ZNF658: variants seen among roughly 807,000 people sequenced by gnomAD.
ZNF658 encodes the protein zinc finger protein 658.
Under a neutral mutation model 78.0 loss-of-function variants are expected in ZNF658, and 46 were observed. The observed-to-expected ratio is 0.59, with a 90% confidence interval of 0.47 to 0.75. ZNF658 has a LOEUF of 0.75. ZNF658 is among the 30% of genes least tolerant of loss of function. ZNF658 has a pLI of 0.00. For missense variants in ZNF658, 785 were observed against 1,189.3 expected (o/e 0.66, Z 5.00); for synonymous variants, 279 against 408.4 (o/e 0.68, Z 3.82).
chr9:66,905,216 C>T (rs1169710121), intron 2 of ZNF658, among the ~76,000 whole-genome samples: 1 of 151,286 alleles, frequency 6.6e-6, no homozygotes, highest in Admixed American at 6.6e-5. Flanking sequence ...GCTGGGATTC[C>T]AGACATTCAC....
Position 66,918,413 on chromosome 9 carries a change from A to T in ZNF658, c.847A>T (p.Thr283Ser). Residue 283 changes from threonine (T) to serine (S), a missense_variant, in exon 5 of 5, where the codon ACC becomes TCC. Thr to Ser is a moderately conservative substitution (Grantham distance 58, BLOSUM62 1). This residue lies in a region of ZNF658 where 393 missense variants were observed against 400.2 expected (regional missense o/e 0.98). Transcript: ENST00000621410. ...NEYGTSCDKTTAVEYNKVHMA... is the reference protein window; with the variant it reads ...NEYGTSCDKTSAVEYNKVHMA... ...ATATGGGACATCCTGTGACAAAACC[A>T]CCGCTGTTGAATACAATAAAGTTCA... is the stretch of plus-strand genomic sequence containing the variant. 1 of 1,613,328 alleles carries T rather than the reference A, an allele frequency of 6.2e-7. No individual in the cohort carries two copies. The highest frequency in any genetic ancestry group is 8.5e-7 in the Non-Finnish European group (1 of 1,179,422).
chr9:66,923,282 A>T (rs2118123564), downstream of ZNF658, among the ~76,000 whole-genome samples: 1 of 151,558 alleles, frequency 6.6e-6, no homozygotes, highest in Non-Finnish European at 1.5e-5. Context: ...ACACTCAGCC[A>T]GTCTAGTCCT....
chr9:66,922,351 C>A (rs1015314957), downstream of ZNF658, among the ~76,000 whole-genome samples: 1 of 152,030 alleles, frequency 6.6e-6, no homozygotes, highest in African/African-American at 2.4e-5. Context: ...GGGCTGCACC[C>A]ACTGTCCAAC....
chr9:66,930,492 C>A (rs1822630612), intron 6 of ZNF658, among the ~76,000 whole-genome samples: 1 of 148,906 alleles, frequency 6.7e-6, no homozygotes, highest in South Asian at 2.2e-4. Flanking sequence ...TAGGGGTGAG[C>A]AAGAAGCTCT....
chr9:66,918,089 C>T lies in ZNF658; in HGVS notation c.523C>T (p.Leu175Phe). 1.9e-6 allele frequency: 3 copies of T among 1,593,132 alleles called. No homozygotes were observed. Among genetic ancestry groups the T allele is most frequent in the Non-Finnish European group, 2.6e-6 (3 of 1,173,148 alleles). Residue 175 changes from leucine (L) to phenylalanine (F), a missense_variant, in exon 5 of 5, where the codon CTT becomes TTT. By Grantham distance (22) the Leu-to-Phe change is conservative (BLOSUM62 0). This residue lies in a region of ZNF658 where 393 missense variants were observed against 400.2 expected (regional missense o/e 0.98). Coordinates refer to ENST00000621410, the MANE Select transcript of ZNF658 (RefSeq NM_033160.7). ...EYMNVCEKLQ[L>F]DIKHEKAHAE... ...CATGAATGTGTGTGAGAAACTGCAG[C>T]TTGATATTAAGCATGAGAAAGCTCA...
At chr9:66,901,663 G>A (rs28555117) in intron 1 of ZNF658, among the ~76,000 whole-genome samples, 82,928 of 151,780 alleles carry the variant, frequency 0.55, 23,024 homozygotes, top group African/African-American at 0.66. Context: ...CAGAATTTTT[G>A]GCCAGGTGCG....
chr9:66,915,082 C>T (rs954039572), intron 4 of ZNF658, among the ~76,000 whole-genome samples: 2 of 151,372 alleles, frequency 1.3e-5, no homozygotes, highest in Admixed American at 1.3e-4. Flanking sequence ...CACACACACA[C>T]ACACACACAC....
chr9:66,926,227 C>T (rs1219746006), downstream of ZNF658, among the ~76,000 whole-genome samples: 1 of 116,986 alleles, frequency 8.5e-6, no homozygotes, highest in African/African-American at 3.1e-5. Flanking sequence ...TAATGAAAGT[C>T]CTGCCCAGAA....
intron 2 of ZNF658, among the ~76,000 whole-genome samples, chr9:66,905,250 A>AT (rs1822053672): frequency 6.7e-6 from 1 of 149,570 alleles, no homozygotes; most frequent in African/African-American, 2.5e-5. Context: ...TAATTTTAGT[A>AT]TTTTTAGTAG....
chr9:66,905,144 C>T (rs1473547217), intron 2 of ZNF658, among the ~76,000 whole-genome samples: 53 of 127,172 alleles, frequency 4.2e-4, no homozygotes, highest in Admixed American at 9.1e-4. Flanking sequence ...GGCATGATCT[C>T]GGCTCACTGT....
At chr9:66,921,859 C>G (rs1461845990), downstream of ZNF658, among the ~76,000 whole-genome samples, 1 of 150,818 alleles carries the variant, frequency 6.6e-6, no homozygotes, top group South Asian at 2.1e-4. Flanking sequence ...ACTGGGAGAA[C>G]CACTACTCTC....
At position 66,919,212 on chromosome 9, in the gene ZNF658, T is replaced by C. The variant is rs1188418189; in HGVS notation, c.1646T>C (p.Val549Ala). ...IHTGEKPYECVECEKTFSHKT... is the reference protein window; with the variant it reads ...IHTGEKPYECAECEKTFSHKT... ...ACAGGTGAAAAACCCTATGAATGTG[T>C]TGAATGTGAGAAAACTTTCTCTCAC... is the stretch of plus-strand genomic sequence containing the variant. Residue 549 changes from valine to alanine, a missense_variant, in exon 5 of 5, where the codon GTT becomes GCT. This residue lies in a region of ZNF658 where 393 missense variants were observed against 400.2 expected (regional missense o/e 0.98). Transcript: ENST00000621410. The C allele has an allele frequency of 7.0e-6, 4 of 571,740 alleles. No individual in the cohort carries two copies. The highest frequency in any genetic ancestry group is 4.0e-5 in the Admixed American group (1 of 25,032). 35.4% of individuals were successfully genotyped at this position (571,740 alleles called of 1,614,324 possible).
downstream of ZNF658, among the ~76,000 whole-genome samples, chr9:66,922,482 C>A (rs1822543034): frequency 7.9e-6 from 1 of 125,804 alleles, no homozygotes. Context: ...TTGGAACCTC[C>A]CCTCATGTAA....
intron 4 of ZNF658, among the ~76,000 whole-genome samples, chr9:66,914,156 C>A (rs1468698025): frequency 1.3e-5 from 2 of 151,374 alleles, no homozygotes; most frequent in Non-Finnish European, 2.9e-5. Context: ...CCAGTCCATA[C>A]ACAAAATATC....
At chr9:66,923,184 TAAGTCCAA>T (rs1033225981), downstream of ZNF658, among the ~76,000 whole-genome samples, 10 of 148,984 alleles carry the variant, frequency 6.7e-5, no homozygotes, top group African/African-American at 1.7e-4. Flanking sequence ...ACCACTGGTG[TAAGTCCAA>T]AAGTCCAAAA....
At chr9:66,908,547 C>A in intron 3 of ZNF658, 92 bp from the exon 4 acceptor site, 1 of 1,474,744 alleles carries the variant, frequency 6.8e-7, no homozygotes, top group Non-Finnish European at 9.1e-7. Context: ...CAAATGAACA[C>A]CCTCAGTTAA....
chr9:66,918,375 C>T lies in ZNF658; in HGVS notation c.809C>T (p.Ser270Phe), dbSNP rs1203604114. The T allele has an allele frequency of 3.7e-6, 6 of 1,613,802 alleles. No homozygotes were observed. Among genetic ancestry groups the T allele is most frequent in the Non-Finnish European group, 5.1e-6 (6 of 1,179,844 alleles). ...AGAACTGACACAAGGGGGAAATGCT[C>T]TGATCTTAATGAATATGGGACATCC... ...HMRTDTRGKC[S>F]DLNEYGTSCD... Residue 270 changes from serine (S) to phenylalanine (F), a missense_variant, in exon 5 of 5, where the codon TCT (serine) becomes TTT (phenylalanine). Physicochemically the swap from Ser to Phe is radical, Grantham distance 155. Transcript: ENST00000621410.
chr9:66,923,007 A>G (rs1822550293), downstream of ZNF658, among the ~76,000 whole-genome samples: 2 of 151,840 alleles, frequency 1.3e-5, no homozygotes, highest in African/African-American at 4.8e-5. Flanking sequence ...TTTATATGTG[A>G]AAGGGAGTTT....
chr9:66,918,180 A>T lies in ZNF658; in HGVS notation c.614A>T (p.His205Leu), dbSNP rs1414327116. 8 of 1,607,492 alleles carry T rather than the reference A, an allele frequency of 5.0e-6. No individual in the cohort carries two copies. The highest frequency in any genetic ancestry group is 6.8e-6 in the Non-Finnish European group (8 of 1,177,716). Residue 205 changes from histidine (H) to leucine (L), a missense_variant, in exon 5 of 5, where the codon CAT (histidine) becomes CTT (leucine). His to Leu is a moderately conservative substitution (Grantham distance 99, BLOSUM62 -3). Coordinates refer to ENST00000621410, the MANE Select transcript of ZNF658 (RefSeq NM_033160.7). Reference protein sequence around the residue: ...AKAFSYKKDQHWKFQTLEESF... With the variant: ...AKAFSYKKDQLWKFQTLEESF... ...GCTTTCAGTTATAAGAAAGATCAGC[A>T]TTGGAAATTTCAAACTTTGGAGGAA...
Sources: gnomAD v4.1 joint callset for allele counts (sites outside exome capture counted in the v4.1 genomes callset) on GRCh38, gnomAD v4.1.1 for gene constraint, gnomAD v4.1.1 regional missense constraint, MANE v1.5 for transcripts, NCBI Gene and HGNC (gene_info 2026-07-23, HGNC 2026-07-21) for gene names.